Variants in KIAA1549L observed in about 807,000 individuals in gnomAD.
The protein encoded by KIAA1549L is KIAA1549 like.
KIAA1549L carries 88 observed loss-of-function variants against 160.7 expected under a neutral mutation model. That is an observed-to-expected ratio of 0.55 (90% CI 0.46 to 0.65). The LOEUF is 0.65. Ranked by LOEUF, KIAA1549L falls within the 30% of genes least tolerant of loss-of-function variation. KIAA1549L has a pLI of 0.00. For missense variants in KIAA1549L, 2,258 were observed against 2,437.5 expected, an observed-to-expected ratio of 0.93 and a Z score of 1.55; for synonymous variants, 950 against 976.7, an observed-to-expected ratio of 0.97 and a Z score of 0.51.
In KIAA1549L at chr11:33,603,475, A is replaced by C. The variant is rs141773692; in HGVS notation, c.4880-3166A>C. 7.4e-4 allele frequency among the ~76,000 whole-genome samples: 113 copies of C among 152,256 alleles called. No homozygotes were observed. In the Middle Eastern group the frequency reaches 0.01, roughly 14 times the overall value. Reference sequence around the variant, plus strand: ...TCTGAGCAGAGGGAATAGCTAGTGCAAAATTCCTGAGATGGGAACAAGCCT... The same window carrying C: ...TCTGAGCAGAGGGAATAGCTAGTGCCAAATTCCTGAGATGGGAACAAGCCT... On this transcript the variant is annotated intron_variant, in intron 13 of 20. Transcript: ENST00000658780.
chr11:33,498,217 C>T (rs909580340), intron 1 of KIAA1549L, among the ~76,000 whole-genome samples: 3 of 152,196 alleles, frequency 2.0e-5, no homozygotes, highest in Non-Finnish European at 4.4e-5. Context: ...ATTGCTTGAG[C>T]CCAGAAGGTC....
At chr11:33,395,825 AAGTT>A (rs1850362478) in intron 1 of KIAA1549L, among the ~76,000 whole-genome samples, 1 of 151,990 alleles carries the variant, frequency 6.6e-6, no homozygotes, top group Non-Finnish European at 1.5e-5. Context: ...TTTGGCAAAA[AAGTT>A]AGTGTTATTT....
chr11:33,407,081 ATTTTTTTTTTT>A (rs750670251), intron 1 of KIAA1549L, among the ~76,000 whole-genome samples: 1 of 100,136 alleles, frequency 1.0e-5, no homozygotes, highest in Non-Finnish European at 1.9e-5. Context: ...TTCTTTTTTC[ATTTTTTTTTTT>A]TTTTTTTTTT....
At chr11:33,530,278 T>C (rs996462136) in intron 1 of KIAA1549L, among the ~76,000 whole-genome samples, 2 of 150,276 alleles carry the variant, frequency 1.3e-5, no homozygotes, top group Admixed American at 1.3e-4. Flanking sequence ...AGCAGGCACC[T>C]GTAGTCCCCG....
intron 11 of KIAA1549L, among the ~76,000 whole-genome samples, chr11:33,586,101 C>T (rs1849862305): frequency 6.6e-6 from 1 of 152,198 alleles, no homozygotes; most frequent in Admixed American, 6.5e-5. Context: ...CTTCTCACCA[C>T]CTTGTGTGTG....
intron 1 of KIAA1549L, among the ~76,000 whole-genome samples, chr11:33,512,583 C>T (rs1212892464): frequency 2.6e-5 from 4 of 152,072 alleles, no homozygotes; most frequent in Non-Finnish European, 5.9e-5. Flanking sequence ...CTACCACCCC[C>T]AGATAACTTT....
chr11:33,439,882 T>A (rs2132942752), intron 1 of KIAA1549L, among the ~76,000 whole-genome samples: 1 of 152,180 alleles, frequency 6.6e-6, no homozygotes, highest in East Asian at 1.9e-4. Flanking sequence ...TTTGATATTT[T>A]TATAAATAAA....
chr11:33,536,908 C>A (rs1853907102), intron 1 of KIAA1549L, among the ~76,000 whole-genome samples: 1 of 152,164 alleles, frequency 6.6e-6, no homozygotes, highest in Non-Finnish European at 1.5e-5. Flanking sequence ...TTCTTCATGC[C>A]AGGATGGTTT....
chr11:33,643,311 A>C (rs1851636412), intron 16 of KIAA1549L, among the ~76,000 whole-genome samples: 1 of 152,108 alleles, frequency 6.6e-6, no homozygotes, highest in Non-Finnish European at 1.5e-5. Context: ...CTCCCCTACC[A>C]ACCTTACTCG....
At chr11:33,399,394 T>G (rs1850452334) in intron 1 of KIAA1549L, among the ~76,000 whole-genome samples, 1 of 152,374 alleles carries the variant, frequency 6.6e-6, no homozygotes, top group African/African-American at 2.4e-5. Context: ...AAATGTCCTC[T>G]TTAGGATTCT....
At chr11:33,377,430 C>T (rs1849979980) in intron 1 of KIAA1549L, among the ~76,000 whole-genome samples, 1 of 152,146 alleles carries the variant, frequency 6.6e-6, no homozygotes, top group South Asian at 2.1e-4. Context: ...AGTATATAAT[C>T]CACTGTTTGC....
intron 20 of KIAA1549L, among the ~76,000 whole-genome samples, chr11:33,662,984 C>T (rs1046862244): frequency 3.3e-5 from 5 of 152,166 alleles, no homozygotes; most frequent in Non-Finnish European, 4.4e-5. Context: ...CCTAATTGGG[C>T]CTTTCCTGGA....
At position 33,649,383 on chromosome 11, in the gene KIAA1549L, C is replaced by T. The variant is rs1215517020; in HGVS notation, c.5760+3347C>T. On this transcript the variant is annotated intron_variant, in intron 17 of 20. Coordinates refer to ENST00000658780, the MANE Select transcript of KIAA1549L (RefSeq NM_012194.3). Reference sequence around the variant, plus strand: ...AAAAAAAATTGGCTGGGCCTGTAGTCCTAGCTACTTGGGAGGCTGAGTTGG... The same window carrying T: ...AAAAAAAATTGGCTGGGCCTGTAGTTCTAGCTACTTGGGAGGCTGAGTTGG... Among the ~76,000 whole-genome samples the T allele has an allele frequency of 2.7e-5, 4 of 149,706 alleles. No homozygotes were observed. In the East Asian group the frequency reaches 7.8e-4, roughly 29 times the overall value.
At position 33,641,572 on chromosome 11, in the gene KIAA1549L, G is replaced by GTATATA. The variant is rs10523183; in HGVS notation, c.5410-4057_5410-4052dup. Among the ~76,000 whole-genome samples, 43 of 96,750 alleles carry GTATATA rather than the reference G, an allele frequency of 4.4e-4. 1 individual carries two copies. The highest frequency in any genetic ancestry group is 7.1e-4 in the Non-Finnish European group (30 of 41,992). The allele number at this position is 96,750 out of a possible 152,430, so 63.5% of individuals were successfully genotyped here. ...ACAACTATAGTATGGTAATGGATCT[G>GTATATA]TATATATATATATATATATATATAT... On this transcript the variant is annotated intron_variant, in intron 16 of 20. Coordinates refer to ENST00000658780, the MANE Select transcript of KIAA1549L (RefSeq NM_012194.3).
intron 16 of KIAA1549L, among the ~76,000 whole-genome samples, chr11:33,628,254 A>T (rs537444218): frequency 5.3e-5 from 8 of 152,166 alleles, no homozygotes; most frequent in Non-Finnish European, 1.0e-4. Flanking sequence ...AAAAAAATGT[A>T]TATTCTGTTG....
At position 33,598,804 on chromosome 11, in the gene KIAA1549L, C is replaced by A; in HGVS notation, c.4752-16C>A. 1 of 1,613,706 alleles carries A rather than the reference C, an allele frequency of 6.2e-7. No individual in the cohort carries two copies. The highest frequency in any genetic ancestry group is 8.5e-7 in the Non-Finnish European group (1 of 1,179,712). On this transcript the variant is annotated splice_polypyrimidine_tract_variant and intron_variant, in intron 12 of 20. Coordinates refer to ENST00000658780, the MANE Select transcript of KIAA1549L (RefSeq NM_012194.3). Reference sequence around the variant, plus strand: ...TTGAAACTTACCGTCTCCCCTGTTGCTATGGTTACCTCCAGCAGGTCGCCC... The same window carrying A: ...TTGAAACTTACCGTCTCCCCTGTTGATATGGTTACCTCCAGCAGGTCGCCC...
At chr11:33,620,158 C>T (rs543069323) in intron 16 of KIAA1549L, among the ~76,000 whole-genome samples, 2 of 152,318 alleles carry the variant, frequency 1.3e-5, no homozygotes, top group South Asian at 2.1e-4. Flanking sequence ...ACTTGCAGCA[C>T]TCACTTAGCA....
chr11:33,398,752 G>A (rs1850437227), intron 1 of KIAA1549L, among the ~76,000 whole-genome samples: 1 of 152,230 alleles, frequency 6.6e-6, no homozygotes, highest in South Asian at 2.1e-4. Flanking sequence ...TGCTTTTTGT[G>A]TGTACATGCC....
intron 1 of KIAA1549L, among the ~76,000 whole-genome samples, chr11:33,426,765 A>G (rs182447068): frequency 1.8e-4 from 28 of 152,322 alleles, no homozygotes; most frequent in African/African-American, 6.7e-4. Flanking sequence ...TGGAGTGGAA[A>G]TCTGACTGCA....
Sources: gnomAD v4.1 joint callset for allele counts (sites outside exome capture counted in the v4.1 genomes callset) on GRCh38, gnomAD v4.1.1 for gene constraint, MANE v1.5 for transcripts, NCBI Gene and HGNC (gene_info 2026-07-23, HGNC 2026-07-21) for gene names.